Variants in NOX3 observed in about 807,000 individuals in gnomAD.
NOX3 encodes the protein NADPH oxidase catalytic subunit-like 3.
A neutral mutation model predicts 76.7 loss-of-function variants in NOX3; 74 were observed. The ratio of observed to expected loss-of-function variants is 0.96; its 90% CI spans 0.80 to 1.17. The LOEUF is 1.17. Ranked by LOEUF, NOX3 falls within the 50% of genes most tolerant of loss-of-function variation. The probability of loss-of-function intolerance (pLI) is 0.00; values close to 1 mark genes in which losing one functional copy is unlikely to be tolerated. For missense variants in NOX3, 695 were observed against 703.3 expected (o/e 0.99, Z 0.13); for synonymous variants, 263 against 261.1 (o/e 1.01, Z -0.07).
rs759334602 is a variant in NOX3, at chr6:155,436,421, G to C, written c.795C>G (p.Pro265=). ...CPVPQFSGKE[P]SAWKWILGPV... is the part of the protein sequence containing the mutation. Reference sequence around the variant, plus strand: ...AAGCTCCTGGGTTCATTCTTACCGAGGGTTCCTTGCCAGAAAATTGAGGCA... The same window carrying C: ...AAGCTCCTGGGTTCATTCTTACCGACGGTTCCTTGCCAGAAAATTGAGGCA... Residue 265 remains proline (P), a synonymous_variant, in exon 7 of 14, where the codon CCC becomes CCG. Transcript: ENST00000159060. 26 of 1,614,070 alleles carry C rather than the reference G, an allele frequency of 1.6e-5. No individual in the cohort carries two copies. The highest frequency in any genetic ancestry group is 5.0e-5 in the Admixed American group (3 of 60,016).
At chr6:155,420,618 C>T (rs190861410) in intron 10 of NOX3, among the ~76,000 whole-genome samples, 4 of 152,206 alleles carry the variant, frequency 2.6e-5, no homozygotes, top group African/African-American at 9.6e-5. Flanking sequence ...GAGAATATTA[C>T]CTATCTGAAT....
At chr6:155,410,647 C>T (rs1415931208) in intron 11 of NOX3, among the ~76,000 whole-genome samples, 1 of 152,088 alleles carries the variant, frequency 6.6e-6, no homozygotes, top group Non-Finnish European at 1.5e-5. Context: ...AGAACACCTG[C>T]CAAAACAAAA....
chr6:155,426,989 G>GTGTGTGTGTGTGTGTGTGTA (rs1196218813), intron 9 of NOX3, among the ~76,000 whole-genome samples: 2 of 98,340 alleles, frequency 2.0e-5, no homozygotes, highest in African/African-American at 9.2e-5. Flanking sequence ...TGTGGCGTGT[G>GTGTGTGTGTGTGTGTGTGTA]TGTGTGTGTG....
chr6:155,449,789 C>T (rs1384367575), intron 4 of NOX3, among the ~76,000 whole-genome samples: 1 of 152,178 alleles, frequency 6.6e-6, no homozygotes, highest in East Asian at 1.9e-4. Flanking sequence ...CAAGGTTACA[C>T]ACCTCTATTA....
chr6:155,445,722 C>T (rs1777050755), intron 4 of NOX3, among the ~76,000 whole-genome samples: 1 of 151,634 alleles, frequency 6.6e-6, no homozygotes, highest in African/African-American at 2.4e-5. Context: ...TTTATTCATC[C>T]TTGAAACCTC....
chr6:155,413,868 C>A (rs1220176964), intron 10 of NOX3, among the ~76,000 whole-genome samples: 2 of 152,138 alleles, frequency 1.3e-5, no homozygotes, highest in South Asian at 2.1e-4. Flanking sequence ...TAAACCAGAA[C>A]ATTTGCTTTA....
At chr6:155,418,112 C>T (rs1178641952) in intron 10 of NOX3, among the ~76,000 whole-genome samples, 3 of 152,174 alleles carry the variant, frequency 2.0e-5, no homozygotes, top group South Asian at 2.1e-4. Flanking sequence ...TTAGGGAGAA[C>T]TAAAATGTGT....
chr6:155,445,959 ATATATATATAATATATATATGC>A (rs908004519), intron 4 of NOX3, among the ~76,000 whole-genome samples: 130 of 122,264 alleles, frequency 1.1e-3, no homozygotes, highest in East Asian at 6.8e-3. Context: ...TATATATGCT[ATATATATATAATATATATATGC>A]TATATATATA....
At chr6:155,445,966 T>TA (rs1562472109) in intron 4 of NOX3, among the ~76,000 whole-genome samples, 193 of 102,328 alleles carry the variant, frequency 1.9e-3, no homozygotes, top group African/African-American at 7.2e-3. Context: ...GCTATATATA[T>TA]ATAATATATA....
At chr6:155,402,949 G>A (rs190932937) in intron 12 of NOX3, among the ~76,000 whole-genome samples, 135 of 152,286 alleles carry the variant, frequency 8.9e-4, no homozygotes, top group Admixed American at 2.0e-3. Context: ...GGACAGAACC[G>A]TCTTGTAAGA....
intron 4 of NOX3, among the ~76,000 whole-genome samples, chr6:155,444,846 TA>T (rs1777040619): frequency 1.3e-5 from 2 of 152,230 alleles, no homozygotes; most frequent in South Asian, 4.1e-4. Flanking sequence ...AAGGAGGGAC[TA>T]CTCTATATGT....
chr6:155,428,029 T>C (rs763903701), intron 9 of NOX3, among the ~76,000 whole-genome samples: 5 of 152,224 alleles, frequency 3.3e-5, no homozygotes, highest in Non-Finnish European at 7.3e-5. Context: ...GCCACCCAGA[T>C]AGCTGGGATT....
chr6:155,444,305 G>A (rs1372504062), intron 4 of NOX3, among the ~76,000 whole-genome samples: 2 of 152,194 alleles, frequency 1.3e-5, no homozygotes, highest in African/African-American at 4.8e-5. Context: ...GAAATCTCAT[G>A]CCATCCCGCT....
intron 7 of NOX3, among the ~76,000 whole-genome samples, chr6:155,434,914 CG>C (rs1203270673): frequency 2.6e-5 from 4 of 152,106 alleles, no homozygotes; most frequent in African/African-American, 9.7e-5. Flanking sequence ...ATCAGAGCAC[CG>C]TGAAAACGCC....
chr6:155,454,698 C>G, intron 3 of NOX3, 113 bp downstream of exon 3: 1 of 649,576 alleles, frequency 1.5e-6, no homozygotes, highest in South Asian at 2.3e-5. Context: ...ACAAAGAAAC[C>G]CAAGTTTAAA....
At chr6:155,446,835 G>C (rs942179241) in intron 4 of NOX3, among the ~76,000 whole-genome samples, 1 of 151,912 alleles carries the variant, frequency 6.6e-6, no homozygotes, top group Non-Finnish European at 1.5e-5. Context: ...TCTCCTCCTA[G>C]CTTTCTTTAA....
In NOX3 at chr6:155,407,208, G is replaced by A. The variant is rs537610745; in HGVS notation, c.1502C>T (p.Thr501Ile). The change falls in exon 12 of 14, where the codon ACA becomes ATA. Residue 501 changes from threonine to isoleucine, a missense_variant. Coordinates refer to ENST00000159060, the MANE Select transcript of NOX3 (RefSeq NM_015718.3). ...ATAGAAGGTCTTCTGCTTTAAGCCT[G>A]TAATCACGTCAGTATTTTCGTCCCA... ...LHWDENTDVI[T>I]GLKQKTFYGR... 3 of 1,613,752 alleles carry A rather than the reference G, an allele frequency of 1.9e-6. No individual in the cohort carries two copies. The highest frequency in any genetic ancestry group is 1.7e-5 in the Admixed American group (1 of 59,998).
intron 4 of NOX3, 89 bp downstream of exon 4, chr6:155,453,315 T>TGA: frequency 1.0e-6 from 1 of 995,316 alleles, no homozygotes; most frequent in East Asian, 2.4e-5. Context: ...TACCTGAGGG[T>TGA]GAGACTTGGG....
intron 10 of NOX3, among the ~76,000 whole-genome samples, chr6:155,420,608 G>A (rs1776677185): frequency 1.3e-5 from 2 of 152,124 alleles, no homozygotes; most frequent in South Asian, 4.1e-4. Flanking sequence ...CATCAGTATT[G>A]AGAATATTAC....
Sources: gnomAD v4.1 joint callset for allele counts (sites outside exome capture counted in the v4.1 genomes callset) on GRCh38, gnomAD v4.1.1 for gene constraint, MANE v1.5 for transcripts, NCBI Gene and HGNC (gene_info 2026-07-23, HGNC 2026-07-21) for gene names.